Variants in CMAS observed in about 807,000 individuals in gnomAD.
The protein encoded by CMAS is cytidine monophosphate N-acetylneuraminic acid synthetase.
CMAS carries 21 observed loss-of-function variants against 53.4 expected under a neutral mutation model. That is an observed-to-expected ratio of 0.39 (90% CI 0.28 to 0.57). The LOEUF is 0.57. CMAS is among the 20% of genes least tolerant of loss of function. CMAS has a pLI of 0.56. For synonymous variants in CMAS, 189 were observed against 195.2 expected (o/e 0.97, Z 0.27); for missense variants, 384 against 534.9 (o/e 0.72, Z 2.78).
At chr12:22,049,000 T>C (rs767012542) in intron 1 of CMAS, among the ~76,000 whole-genome samples, 4 of 152,194 alleles carry the variant, frequency 2.6e-5, no homozygotes, top group Non-Finnish European at 5.9e-5. Context: ...ATTGGACTCT[T>C]TTCCCTGTTG....
chr12:22,058,466 G>C (rs1447808570), intron 3 of CMAS, 101 bp from the exon 4 acceptor site: 2 of 975,888 alleles, frequency 2.0e-6, no homozygotes, highest in Non-Finnish European at 3.0e-6. Flanking sequence ...ATAAAGAAAT[G>C]CTCTGCATTC....
At chr12:22,064,444 T>C (rs572819786) in intron 7 of CMAS, among the ~76,000 whole-genome samples, 2 of 152,076 alleles carry the variant, frequency 1.3e-5, no homozygotes, top group African/African-American at 4.8e-5. Flanking sequence ...TATATATATA[T>C]AAACAAAAGA....
At chr12:22,058,770 G>A (rs1950286478) in intron 4 of CMAS, 70 bp downstream of exon 4, 3 of 1,518,970 alleles carry the variant, frequency 2.0e-6, no homozygotes, top group African/African-American at 2.8e-5. Flanking sequence ...TAGGGAAGAA[G>A]TATGGTACAA....
intron 4 of CMAS, 30 bp downstream of exon 4, chr12:22,058,730 T>C: frequency 6.2e-7 from 1 of 1,605,012 alleles, no homozygotes. Flanking sequence ...ATAACCCTTT[T>C]AAGCGCTTTT....
intron 1 of CMAS, among the ~76,000 whole-genome samples, chr12:22,053,071 G>A (rs764146852): frequency 5.4e-4 from 82 of 151,902 alleles, no homozygotes; most frequent in Non-Finnish European, 1.0e-3. Flanking sequence ...AGGTGGGAGG[G>A]TCACTTGAGG....
chr12:22,062,218 C>G, intron 6 of CMAS, 63 bp from the exon 7 acceptor site: 2 of 1,428,008 alleles, frequency 1.4e-6, no homozygotes, highest in Non-Finnish European at 1.9e-6. Flanking sequence ...TGAAAGATTT[C>G]TGTTTTCTTC....
chr12:22,065,294 A>C lies in CMAS; in HGVS notation c.1288A>C (p.Asn430His). ...TTGCCTACTAATGGAAAAGGTTAAT[A>C]ATTCATGCCAAAAATAGAAATTAGC... ...HICLLMEKVN[N>H]SCQK is the part of the protein sequence containing the mutation. Residue 430 changes from asparagine (N) to histidine (H), a missense_variant, in exon 8 of 8, where the codon AAT (asparagine) becomes CAT (histidine). Asn to His is a moderately conservative substitution (Grantham distance 68, BLOSUM62 1). This residue lies in a region of CMAS where 134 missense variants were observed against 154.6 expected (regional missense o/e 0.87). Coordinates refer to ENST00000229329, the MANE Select transcript of CMAS (RefSeq NM_018686.6). 1.9e-6 allele frequency: 3 copies of C among 1,609,392 alleles called. No individual in the cohort carries two copies. Among genetic ancestry groups the C allele is most frequent in the Non-Finnish European group, 2.6e-6 (3 of 1,176,216 alleles).
At position 22,065,534 on chromosome 12, in the gene CMAS, A is replaced by T; in HGVS notation, c.*223A>T. 2.1e-6 allele frequency: 1 copy of T among 469,508 alleles called. No homozygotes were observed. The highest frequency in any genetic ancestry group is 6.0e-4 in the Middle Eastern group (1 of 1,680). 29.1% of individuals were successfully genotyped at this position (469,508 alleles called of 1,614,324 possible). A position where few individuals can be genotyped will look rare whatever the true frequency, so the allele number is the denominator to read the frequency against. ...TAAATGCAAGTAAGAACATCATCAA[A>T]GTTCACTTTGTATTGTACCCTGTAA... On this transcript the variant is annotated 3_prime_UTR_variant, in exon 8 of 8. Transcript: ENST00000229329.
chr12:22,047,354 G>C (rs1430523165), intron 1 of CMAS, among the ~76,000 whole-genome samples: 1 of 152,138 alleles, frequency 6.6e-6, no homozygotes, highest in Non-Finnish European at 1.5e-5. Context: ...TGCCAAGAAT[G>C]AATTTACACA....
chr12:22,065,404 C>T lies in CMAS; in HGVS notation c.*93C>T, dbSNP rs904050654. On this transcript the variant is annotated 3_prime_UTR_variant, in exon 8 of 8. Transcript: ENST00000229329. The stretch of plus-strand genomic sequence containing the variant: ...AAGTAAATTCCATGTTGTAATGTTA[C>T]AGAGAGTGTGATTTGGTTTGTGATA... 2 of 959,932 alleles carry T rather than the reference C, an allele frequency of 2.1e-6. No individual in the cohort carries two copies. Among genetic ancestry groups the T allele is most frequent in the Non-Finnish European group, 3.2e-6 (2 of 634,242 alleles). The allele number at this position is 959,932 out of a possible 1,614,324, so 59.5% of individuals were successfully genotyped here. A position where few individuals can be genotyped will look rare whatever the true frequency, so the allele number is the denominator to read the frequency against.
chr12:22,061,227 AG>A, intron 5 of CMAS, 53 bp from the exon 6 acceptor site: 1 of 1,198,866 alleles, frequency 8.3e-7, no homozygotes, highest in Non-Finnish European at 1.2e-6. Context: ...GCCAGATGAG[AG>A]GGAGTGATTA....
Position 22,061,405 on chromosome 12 carries a change from G to A in CMAS, c.913G>A (p.Val305Ile), listed in dbSNP as rs779616378. The change falls in exon 6 of 8, where the codon GTA (valine) becomes ATA (isoleucine). Residue 305 changes from valine (V) to isoleucine (I), a missense_variant. By Grantham distance (29) the Val-to-Ile change is conservative. Transcript: ENST00000229329. ...CCAAAAAGAAATAATATCTTATGAT[G>A]TAAAAGATGCTATTGGGATAAGTTT... ...GDQKEIISYD[V>I]KDAIGISLLK... is the part of the protein sequence containing the mutation. 2 of 1,604,820 alleles carry A rather than the reference G, an allele frequency of 1.2e-6. No homozygotes were observed. Among genetic ancestry groups the A allele is most frequent in the Admixed American group, 1.7e-5 (1 of 59,514 alleles).
chr12:22,051,890 G>A (rs574346102), intron 1 of CMAS, among the ~76,000 whole-genome samples: 1 of 151,924 alleles, frequency 6.6e-6, no homozygotes, highest in African/African-American at 2.4e-5. Context: ...TGTTTATTCT[G>A]TAGTAAATGG....
chr12:22,060,714 G>T, intron 4 of CMAS, 118 bp from the exon 5 acceptor site: 1 of 602,694 alleles, frequency 1.7e-6, no homozygotes, highest in Non-Finnish European at 3.0e-6. Context: ...ATTTTTACTG[G>T]GTTATTCATT....
intron 1 of CMAS, among the ~76,000 whole-genome samples, chr12:22,046,858 C>G (rs1950210376): frequency 6.6e-6 from 1 of 152,204 alleles, no homozygotes; most frequent in Non-Finnish European, 1.5e-5. Flanking sequence ...GTCCCCTCCT[C>G]CCGGGTTGAC....
chr12:22,058,764 G>A, intron 4 of CMAS, 64 bp downstream of exon 4: 1 of 1,542,302 alleles, frequency 6.5e-7, no homozygotes, highest in Non-Finnish European at 8.8e-7. Flanking sequence ...GAGTTCTAGG[G>A]AAGAAGTATG....
At chr12:22,050,410 A>C (rs926704969) in intron 1 of CMAS, among the ~76,000 whole-genome samples, 3 of 152,138 alleles carry the variant, frequency 2.0e-5, no homozygotes, top group African/African-American at 7.2e-5. Context: ...CATAGTATGT[A>C]ATCTGTTATT....
intron 7 of CMAS, 151 bp downstream of exon 7, chr12:22,062,585 A>G (rs576291134): frequency 2.6e-6 from 2 of 779,446 alleles, no homozygotes; most frequent in Non-Finnish European, 4.2e-6. Context: ...AAACTGTTAA[A>G]CTGGGACAGT....
chr12:22,052,004 A>T (rs1950241218), intron 1 of CMAS, among the ~76,000 whole-genome samples: 1 of 152,224 alleles, frequency 6.6e-6, no homozygotes, highest in Non-Finnish European at 1.5e-5. Flanking sequence ...TCCCATGGTC[A>T]TATAGCTAGC....
Sources: allele counts gnomAD v4.1 joint callset (sites outside exome capture counted in the v4.1 genomes callset), GRCh38; gene constraint gnomAD v4.1.1; regional missense constraint gnomAD v4.1.1; transcripts MANE v1.5; gene names NCBI Gene and HGNC (gene_info 2026-07-23, HGNC 2026-07-21).